Variants in GFUS observed in about 807,000 individuals in gnomAD.
GFUS encodes the protein GDP-L-fucose synthase.
A neutral mutation model predicts 41.5 loss-of-function variants in GFUS; 42 were observed. That is an observed-to-expected ratio of 1.01 (90% CI 0.79 to 1.31). GFUS has a LOEUF of 1.31. Ranked by LOEUF, GFUS falls within the 50% of genes most tolerant of loss-of-function variation. The pLI is 0.00. For missense variants in GFUS, 437 were observed against 428.7 expected (o/e 1.02, Z -0.17); for synonymous variants, 188 against 173.4 (o/e 1.08, Z -0.66).
chr8:143,614,570 TG>T, intron 5 of GFUS, 53 bp downstream of exon 5: 1 of 1,557,824 alleles, frequency 6.4e-7, no homozygotes, highest in Admixed American at 1.8e-5. Flanking sequence ...CACCCGCCCC[TG>T]GGGGCCCTCT....
chr8:143,614,832 G>T lies in GFUS; in HGVS notation c.345C>A (p.Thr115=), dbSNP rs964144502. ...AGGTCGTCTTGTCAGGGAAGATACA[G>T]GTGGACAGGCAGGACACCACCTTGC... ...GARKVVSCLS[T]CIFPDKTTYP... Residue 115 remains threonine (T), a synonymous_variant, in exon 4 of 11, where the codon ACC becomes ACA. Coordinates refer to ENST00000425753, the MANE Select transcript of GFUS (RefSeq NM_003313.4). 6.2e-7 allele frequency: 1 copy of T among 1,613,826 alleles called. No homozygotes were observed. Among genetic ancestry groups the T allele is most frequent in the Non-Finnish European group, 8.5e-7 (1 of 1,180,006 alleles).
Position 143,614,918 on chromosome 8 carries a change from G to C in GFUS, c.262-3C>G, listed in dbSNP as rs1423102231. On this transcript the variant is annotated splice_polypyrimidine_tract_variant and splice_region_variant and intron_variant, in intron 3 of 10. Coordinates refer to ENST00000425753, the MANE Select transcript of GFUS (RefSeq NM_003313.4). ...TCGTTCATGTGCACGTTTTTCCTCT[G>C]CAGGGGTGAGGCGGGGACAGTTCAG... 1 of 1,601,842 alleles carries C rather than the reference G, an allele frequency of 6.2e-7. No homozygotes were observed.
Position 143,616,536 on chromosome 8 carries a change from G to A in GFUS, c.146+31C>T, listed in dbSNP as rs752585720. On this transcript the variant is annotated intron_variant, in intron 2 of 10. Coordinates refer to ENST00000425753, the MANE Select transcript of GFUS (RefSeq NM_003313.4). ...CTAGGGTGGGGGGTAGGATGGAGAG[G>A]AAGGGCTGATCTGGGGATGGGCTCA... The A allele has an allele frequency of 5.6e-6, 9 of 1,613,576 alleles. No homozygotes were observed. In the Admixed American group the frequency reaches 1.0e-4, roughly 18 times the overall value.
rs369857562 is a variant in GFUS at position 143,614,702 on chromosome 8, G to A, written c.391-5C>T. On this transcript the variant is annotated splice_region_variant and splice_polypyrimidine_tract_variant and intron_variant, in intron 4 of 10. Transcript: ENST00000425753. ...GTGGGGAGGCCCATTGTGGATCTGC[G>A]GGCGTGGGAGAGGCAGAGGCCGCTA... 5.0e-5 allele frequency: 81 copies of A among 1,612,778 alleles called. 1 individual carries two copies. In the East Asian group the frequency reaches 6.5e-4, roughly 13 times the overall value.
intron 1 of GFUS, 88 bp from the exon 2 acceptor site, chr8:143,616,811 G>C: frequency 1.3e-6 from 2 of 1,529,846 alleles, no homozygotes; most frequent in Non-Finnish European, 8.9e-7. Flanking sequence ...ACAGAGTGAG[G>C]CCCTCAGAGT....
rs141236351 is a variant in GFUS, at chr8:143,614,219, G to A, written c.608C>T (p.Ser203Leu). The A allele has an allele frequency of 3.1e-4, 504 of 1,613,604 alleles. 1 individual carries two copies. Among genetic ancestry groups the A allele is most frequent in the Non-Finnish European group, 3.9e-4 (460 of 1,180,024 alleles). The change falls in exon 7 of 11, where the codon TCG becomes TTG. Residue 203 changes from serine to leucine, a missense_variant. By Grantham distance (145) the Ser-to-Leu change is moderately radical. Coordinates refer to ENST00000425753, the MANE Select transcript of GFUS (RefSeq NM_003313.4). ...HKVHLAKSSG[S>L]ALTVWGTGNP... ...CCCTGTACCCCACACCGTCAGGGCCGAGCCGCTGCCTGCAGATTTGGGGAA... is the reference window on the plus strand; with the variant it reads ...CCCTGTACCCCACACCGTCAGGGCCAAGCCGCTGCCTGCAGATTTGGGGAA...
In GFUS at chr8:143,612,720, G is replaced by C. The variant is rs2978; in HGVS notation, c.*190C>G. On this transcript the variant is annotated 3_prime_UTR_variant, in exon 11 of 11. Coordinates refer to ENST00000425753, the MANE Select transcript of GFUS (RefSeq NM_003313.4). ...GGGGAGCAAAGCGCCGGGCCTGCCC[G>C]GGACCCTGGTTTCCCTGAGGACCAA... is the stretch of plus-strand genomic sequence containing the variant. 353,996 of 683,362 alleles carry C rather than the reference G, an allele frequency of 0.52. 100,991 individuals are homozygous for C. Among genetic ancestry groups the C allele is most frequent in the Non-Finnish European group, 0.61 (246,402 of 402,360 alleles). The allele number at this position is 683,362 out of a possible 1,614,324, so 42.3% of individuals were successfully genotyped here.
rs201048385 is a variant in GFUS, at chr8:143,614,307, C to A, written c.598+13G>T. 1 of 1,613,498 alleles carries A rather than the reference C, an allele frequency of 6.2e-7. No individual in the cohort carries two copies. Among genetic ancestry groups the A allele is most frequent in the Non-Finnish European group, 8.5e-7 (1 of 1,179,800 alleles). ...AGCTGAGCCCGGGCACCCCATCGGA[C>A]GGACGCACTCACTCTTGGCCAGGTG... On this transcript the variant is annotated intron_variant, in intron 6 of 10. Coordinates refer to ENST00000425753, the MANE Select transcript of GFUS (RefSeq NM_003313.4).
chr8:143,613,718 T>G lies in GFUS; in HGVS notation c.730+33A>C, dbSNP rs1181982206. 4 of 1,555,498 alleles carry G rather than the reference T, an allele frequency of 2.6e-6. No homozygotes were observed. The East Asian group carries it at 9.7e-5, about 38-fold the overall frequency. ...GACAACCTTGGATCCTGTCCTACCA[T>G]GGAGGAAGGGGGCTGAGGGCTGAGG... On this transcript the variant is annotated intron_variant, in intron 8 of 10. Coordinates refer to ENST00000425753, the MANE Select transcript of GFUS (RefSeq NM_003313.4).
At chr8:143,616,084 T>A in intron 3 of GFUS, 22 bp downstream of exon 3, 1 of 1,543,098 alleles carries the variant, frequency 6.5e-7, no homozygotes, top group Non-Finnish European at 8.8e-7. Context: ...TTCCAGTGCT[T>A]GCTGGGGCCA....
chr8:143,614,434 C>T lies in GFUS; in HGVS notation c.484G>A (p.Gly162Ser), dbSNP rs776101407. 17 of 1,613,356 alleles carry T rather than the reference C, an allele frequency of 1.1e-5. No individual in the cohort carries two copies. The highest frequency in any genetic ancestry group is 7.7e-5 in the South Asian group (7 of 91,054). The change falls in exon 6 of 11, where the codon GGC becomes AGC. Residue 162 changes from glycine to serine, a missense_variant. Physicochemically the swap from Gly to Ser is moderately conservative, Grantham distance 56 (BLOSUM62 0). Coordinates refer to ENST00000425753, the MANE Select transcript of GFUS (RefSeq NM_003313.4). ...GGGATGACAGCGGTGAAGGTGCAGCCGTACTGCTGGAAGTAGGCCCTGCGG... is the reference window on the plus strand; with the variant it reads ...GGGATGACAGCGGTGAAGGTGCAGCTGTACTGCTGGAAGTAGGCCCTGCGG... Reference protein sequence around the residue: ...VQNRAYFQQYGCTFTAVIPTN... With the variant: ...VQNRAYFQQYSCTFTAVIPTN...
In GFUS at chr8:143,614,695, G is replaced by C. The variant is rs1829678154; in HGVS notation, c.393C>G (p.Ile131Met). 1.2e-6 allele frequency: 2 copies of C among 1,612,946 alleles called. No individual in the cohort carries two copies. Among genetic ancestry groups the C allele is most frequent in the Non-Finnish European group, 1.7e-6 (2 of 1,179,396 alleles). The change falls in exon 5 of 11, where the codon ATC becomes ATG. Residue 131 changes from isoleucine (I) to methionine (M), a missense_variant and splice_region_variant. Transcript: ENST00000425753. Reference sequence around the variant, plus strand: ...TGCTGTTGTGGGGAGGCCCATTGTGGATCTGCGGGCGTGGGAGAGGCAGAG... The same window carrying C: ...TGCTGTTGTGGGGAGGCCCATTGTGCATCTGCGGGCGTGGGAGAGGCAGAG... ...KTTYPIDETM[I>M]HNGPPHNSNF...
At chr8:143,613,930 G>A in intron 7 of GFUS, 113 bp from the exon 8 acceptor site, 1 of 1,278,368 alleles carries the variant, frequency 7.8e-7, no homozygotes, top group East Asian at 2.5e-5. Context: ...TCAGCCTGGG[G>A]AACAGGGGTC....
At chr8:143,614,731 C>T in intron 4 of GFUS, 34 bp from the exon 5 acceptor site, 2 of 1,613,148 alleles carry the variant, frequency 1.2e-6, no homozygotes, top group South Asian at 1.1e-5. Context: ...GCCGCTACTT[C>T]CTGGCCCTGC....
chr8:143,614,434 C>G lies in GFUS; in HGVS notation c.484G>C (p.Gly162Arg). The change falls in exon 6 of 11, where the codon GGC (glycine) becomes CGC (arginine). Residue 162 changes from glycine (G) to arginine (R), a missense_variant. Coordinates refer to ENST00000425753, the MANE Select transcript of GFUS (RefSeq NM_003313.4). ...GGGATGACAGCGGTGAAGGTGCAGC[C>G]GTACTGCTGGAAGTAGGCCCTGCGG... ...VQNRAYFQQY[G>R]CTFTAVIPTN... 3 of 1,613,474 alleles carry G rather than the reference C, an allele frequency of 1.9e-6. No individual in the cohort carries two copies. Among genetic ancestry groups the G allele is most frequent in the Non-Finnish European group, 8.5e-7 (1 of 1,179,782 alleles).
In GFUS at chr8:143,616,173, T is replaced by G; in HGVS notation, c.194A>C (p.His65Pro). The change falls in exon 3 of 11, where the codon CAC (histidine) becomes CCC (proline). Residue 65 changes from histidine to proline, a missense_variant. Coordinates refer to ENST00000425753, the MANE Select transcript of GFUS (RefSeq NM_003313.4). ...CACCATTGCAGCAAGATGGATGACG[T>G]GTGTGGGTTGGACCTTCTCAAACAG... The part of the protein sequence containing the change: ...RALFEKVQPT[H>P]VIHLAAMVGG... 1 of 1,613,668 alleles carries G rather than the reference T, an allele frequency of 6.2e-7. No individual in the cohort carries two copies. Among genetic ancestry groups the G allele is most frequent in the Non-Finnish European group, 8.5e-7 (1 of 1,179,796 alleles).
rs181572246 is a variant in GFUS, at chr8:143,614,280, C to T, written c.598+40G>A. Reference sequence around the variant, plus strand: ...TCAGAGGCACTGGGTCACCTCCTCCCGAGCTGAGCCCGGGCACCCCATCGG... The same window carrying T: ...TCAGAGGCACTGGGTCACCTCCTCCTGAGCTGAGCCCGGGCACCCCATCGG... On this transcript the variant is annotated intron_variant, in intron 6 of 10. Transcript: ENST00000425753. 5.0e-5 allele frequency: 81 copies of T among 1,613,694 alleles called. No homozygotes were observed. In the African/African-American group the frequency reaches 8.0e-4, roughly 16 times the overall value.
At position 143,614,307 on chromosome 8, in the gene GFUS, C is replaced by T. The variant is rs201048385; in HGVS notation, c.598+13G>A. ...AGCTGAGCCCGGGCACCCCATCGGA[C>T]GGACGCACTCACTCTTGGCCAGGTG... On this transcript the variant is annotated intron_variant, in intron 6 of 10. Coordinates refer to ENST00000425753, the MANE Select transcript of GFUS (RefSeq NM_003313.4). 30 of 1,613,498 alleles carry T rather than the reference C, an allele frequency of 1.9e-5. No individual in the cohort carries two copies. In the African/African-American group the frequency reaches 2.7e-4, roughly 14 times the overall value.
chr8:143,616,180 G>C lies in GFUS; in HGVS notation c.187C>G (p.Pro63Ala), dbSNP rs761184123. 8.1e-6 allele frequency: 13 copies of C among 1,613,994 alleles called. No individual in the cohort carries two copies. Among genetic ancestry groups the C allele is most frequent in the Non-Finnish European group, 1.1e-5 (13 of 1,179,940 alleles). The change falls in exon 3 of 11, where the codon CCC (proline) becomes GCC (alanine). Residue 63 changes from proline to alanine, a missense_variant. Pro to Ala is a conservative substitution (Grantham distance 27). Coordinates refer to ENST00000425753, the MANE Select transcript of GFUS (RefSeq NM_003313.4). The part of the protein sequence containing the change: ...QTRALFEKVQ[P>A]THVIHLAAMV... ...GCAGCAAGATGGATGACGTGTGTGGGTTGGACCTTCTCAAACAGGGCGCGG... is the reference window on the plus strand; with the variant it reads ...GCAGCAAGATGGATGACGTGTGTGGCTTGGACCTTCTCAAACAGGGCGCGG...
Sources: allele counts gnomAD v4.1 joint callset, GRCh38; gene constraint gnomAD v4.1.1; transcripts MANE v1.5; gene names NCBI Gene and HGNC (gene_info 2026-07-23, HGNC 2026-07-21).